Variants in RASAL2 observed in about 807,000 individuals in gnomAD.
The protein encoded by RASAL2 is ras GTPase-activating protein nGAP.
In RASAL2, 58 loss-of-function variants were observed where a neutral mutation model predicts 128.9. The observed-to-expected ratio is 0.45, with a 90% CI of 0.36 to 0.56. The LOEUF (loss-of-function observed/expected upper bound fraction) is 0.56, where lower values mean the gene tolerates loss of function less well. Among genes scored for constraint, RASAL2 ranks in the 20% least tolerant of loss-of-function variants. The pLI is 0.00. For synonymous variants in RASAL2, 561 were observed against 580.8 expected, an observed-to-expected ratio of 0.97 and a Z score of 0.49; for missense variants, 1,360 against 1,601.6, an observed-to-expected ratio of 0.85 and a Z score of 2.57.
At chr1:178,204,587 A>C (rs1162624837) in intron 1 of RASAL2, among the ~76,000 whole-genome samples, 1 of 152,238 alleles carries the variant, frequency 6.6e-6, no homozygotes, top group Non-Finnish European at 1.5e-5. Context: ...TGATGATGGA[A>C]TTAAATAACT....
At chr1:178,434,046 G>T (rs1676097666) in intron 5 of RASAL2, among the ~76,000 whole-genome samples, 1 of 152,056 alleles carries the variant, frequency 6.6e-6, no homozygotes, top group African/African-American at 2.4e-5. Context: ...GGAAATAAAA[G>T]CTGTAGTCTG....
chr1:178,467,814 C>T (rs967879776), intron 17 of RASAL2, among the ~76,000 whole-genome samples: 19 of 152,172 alleles, frequency 1.2e-4, no homozygotes, highest in African/African-American at 4.6e-4. Context: ...TTGTCAGTCA[C>T]GTCCACTGCC....
intron 1 of RASAL2, among the ~76,000 whole-genome samples, chr1:178,180,485 C>CAAAAAAA (rs71108033): frequency 2.8e-5 from 2 of 72,562 alleles, no homozygotes; most frequent in African/African-American, 1.0e-4. Context: ...TCATCTCTAC[C>CAAAAAAA]AAAAAAAAAA....
At chr1:178,281,677 A>C (rs574530424) in intron 1 of RASAL2, among the ~76,000 whole-genome samples, 60 of 152,270 alleles carry the variant, frequency 3.9e-4, no homozygotes, top group African/African-American at 1.3e-3. Context: ...AATGACCATA[A>C]ATTGTCTAAT....
At chr1:178,156,735 A>G (rs1400484236) in intron 1 of RASAL2, among the ~76,000 whole-genome samples, 2 of 152,322 alleles carry the variant, frequency 1.3e-5, no homozygotes, top group East Asian at 3.9e-4. Context: ...GACATGAAAT[A>G]TTACACTTTC....
At chr1:178,294,087 T>TG (rs1667391481) in intron 2 of RASAL2, among the ~76,000 whole-genome samples, 1 of 152,262 alleles carries the variant, frequency 6.6e-6, no homozygotes, top group African/African-American at 2.4e-5. Context: ...AGTCTAAAAC[T>TG]GAGCACACAG....
intron 1 of RASAL2, among the ~76,000 whole-genome samples, chr1:178,225,764 C>CATATATAT (rs140192170): frequency 1.4e-5 from 2 of 147,356 alleles, no homozygotes; most frequent in African/African-American, 5.0e-5. Context: ...ACTGTACATA[C>CATATATAT]ATATATATAT....
At chr1:178,249,470 T>C (rs1054251133) in intron 1 of RASAL2, among the ~76,000 whole-genome samples, 1 of 152,068 alleles carries the variant, frequency 6.6e-6, no homozygotes, top group Non-Finnish European at 1.5e-5. Context: ...TTAGCTGCCT[T>C]GCATTGGATT....
chr1:178,242,422 ATTCTCTCTCTCTCTCTCTCTCTCT>A (rs1367445144), intron 1 of RASAL2, among the ~76,000 whole-genome samples: 3 of 91,958 alleles, frequency 3.3e-5, no homozygotes, highest in African/African-American at 1.2e-4. Context: ...TTTATAATTC[ATTCTCTCTCTCTCTCTCTCTCTCT>A]CTCTCTCTCT....
At position 178,466,098 on chromosome 1, in the gene RASAL2, G is replaced by A. The variant is rs1267347102; in HGVS notation, c.3566G>A (p.Ser1189Asn). 5.1e-6 allele frequency: 8 copies of A among 1,569,974 alleles called. No homozygotes were observed. Among genetic ancestry groups the A allele is most frequent in the African/African-American group, 1.4e-5 (1 of 73,932 alleles). ...CGAAGACAGCAGGAAGAAAAAGATA[G>A]CCAGATGAAAAGCATCATCAGCAGG... ...RLRRQQEEKD[S>N]QMKSIISRLM... The change falls in exon 16 of 18, where the codon AGC becomes AAC. Residue 1189 changes from serine to asparagine, a missense_variant. Physicochemically the swap from Ser to Asn is conservative, Grantham distance 46. Transcript: ENST00000367649.
chr1:178,347,522 A>G (rs778926935), intron 3 of RASAL2, among the ~76,000 whole-genome samples: 9 of 152,288 alleles, frequency 5.9e-5, no homozygotes, highest in Non-Finnish European at 1.0e-4. Flanking sequence ...TCATTTTACA[A>G]AAGAGGTAAT....
intron 2 of RASAL2, among the ~76,000 whole-genome samples, chr1:178,294,904 A>C (rs1357989010): frequency 1.3e-5 from 2 of 152,186 alleles, no homozygotes; most frequent in Non-Finnish European, 2.9e-5. Flanking sequence ...AAGACTACGT[A>C]AGTTTTCCAG....
chr1:178,110,524 T>C (rs927715524), intron 1 of RASAL2, among the ~76,000 whole-genome samples: 1 of 147,406 alleles, frequency 6.8e-6, no homozygotes, highest in Non-Finnish European at 1.5e-5. Context: ...ATAGTGTATA[T>C]ATATGCTATA....
At chr1:178,430,836 G>A (rs1675839174) in intron 5 of RASAL2, among the ~76,000 whole-genome samples, 1 of 150,506 alleles carries the variant, frequency 6.6e-6, no homozygotes. Context: ...TATACTCTTT[G>A]TTGTGTGTGT....
chr1:178,226,489 A>G (rs185161586), intron 1 of RASAL2, among the ~76,000 whole-genome samples: 3 of 152,282 alleles, frequency 2.0e-5, no homozygotes, highest in African/African-American at 7.2e-5. Flanking sequence ...TTACCACACC[A>G]GCTATGTGGA....
chr1:178,121,578 C>T (rs551342173), intron 1 of RASAL2, among the ~76,000 whole-genome samples: 30 of 152,090 alleles, frequency 2.0e-4, no homozygotes, highest in African/African-American at 6.5e-4. Context: ...CTCCATCTCC[C>T]GGGTTCAGGT....
Position 178,467,384 on chromosome 1 carries a change from C to T in RASAL2, c.3641C>T (p.Ala1214Val). The T allele has an allele frequency of 1.2e-6, 2 of 1,614,092 alleles. No individual in the cohort carries two copies. The highest frequency in any genetic ancestry group is 1.7e-6 in the Non-Finnish European group (2 of 1,179,994). Residue 1214 changes from alanine (A) to valine (V), a missense_variant, in exon 17 of 18, where the codon GCA becomes GTA. Around this residue, in one of 3 missense-constraint regions of RASAL2, gnomAD observed 741 missense variants for 868.6 expected, o/e 0.85. Coordinates refer to ENST00000367649, the MANE Select transcript of RASAL2 (RefSeq NM_170692.4). ...AAGAAGGATCATGCTGAGATGCAAG[C>T]AGTTATTGATGCAAAGCAGAAAATA... Reference protein sequence around the residue: ...ELKKDHAEMQAVIDAKQKIID... With the variant: ...ELKKDHAEMQVVIDAKQKIID...
In RASAL2 at chr1:178,472,312, A is replaced by AT. The variant is rs571262997; in HGVS notation, c.3679-755dup. Among the ~76,000 whole-genome samples, 11 of 151,622 alleles carry AT rather than the reference A, an allele frequency of 7.3e-5. No homozygotes were observed. In the South Asian group the frequency reaches 2.1e-3, roughly 29 times the overall value. On this transcript the variant is annotated intron_variant, in intron 17 of 17. Transcript: ENST00000367649. ...GGTTTCCAAATATTGTTTCTAAAGC[A>AT]TTTTTTTTCAGAGACTCAAAAGTAA...
At chr1:178,402,867 GA>G (rs1469058853) in intron 4 of RASAL2, among the ~76,000 whole-genome samples, 1 of 151,510 alleles carries the variant, frequency 6.6e-6, no homozygotes, top group African/African-American at 2.4e-5. Context: ...CCCTGACAAT[GA>G]AAAAAAATAG....
Sources: allele counts gnomAD v4.1 joint callset (sites outside exome capture counted in the v4.1 genomes callset), GRCh38; gene constraint gnomAD v4.1.1; regional missense constraint gnomAD v4.1.1; transcripts MANE v1.5; gene names NCBI Gene and HGNC (gene_info 2026-07-23, HGNC 2026-07-21).